Variants in TMEM71 observed in about 807,000 individuals in gnomAD.
TMEM71 encodes transmembrane protein 71.
In TMEM71, 44 loss-of-function variants were observed where a neutral mutation model predicts 38.0. That is an observed-to-expected ratio of 1.16 (90% confidence interval 0.91 to 1.49). The LOEUF (loss-of-function observed/expected upper bound fraction) is 1.49. Ranked by LOEUF, TMEM71 falls within the 40% of genes most tolerant of loss-of-function variation. TMEM71 has a pLI of 0.00. For synonymous variants in TMEM71, 133 were observed against 122.5 expected (o/e 1.09, Z -0.56); for missense variants, 367 against 348.6 (o/e 1.05, Z -0.42).
In TMEM71 at chr8:132,727,676, T is replaced by C. The variant is rs1827222029; in HGVS notation, c.676+122A>G. On this transcript the variant is annotated intron_variant, in intron 6 of 9. Coordinates refer to ENST00000677595, the MANE Select transcript of TMEM71 (RefSeq NM_001382403.1). ...GGGCTTTGGCAGAGGCCCCATGTCC[T>C]CCCTTCCTCGCACAGGTTGGTACCA... 3 of 817,080 alleles carry C rather than the reference T, an allele frequency of 3.7e-6. No homozygotes were observed. The Admixed American group carries it at 9.0e-5, about 24-fold the overall frequency. The allele number at this position is 817,080 out of a possible 1,614,324, so 50.6% of individuals were successfully genotyped here. A position where few individuals can be genotyped will look rare whatever the true frequency, so the allele number is the denominator to read the frequency against.
chr8:132,757,481 G>A (rs1829088851), intron 2 of TMEM71, among the ~76,000 whole-genome samples, 187 bp from the exon 3 acceptor site: 2 of 152,022 alleles, frequency 1.3e-5, no homozygotes, highest in Admixed American at 6.5e-5. Context: ...GGGATCTACC[G>A]GAAGCAAGAC....
chr8:132,766,880 TCCAGAATC>T, the TMEM71 span, among the ~76,000 whole-genome samples: 7 of 151,988 alleles, frequency 4.6e-5, no homozygotes, highest in Non-Finnish European at 8.8e-5. Flanking sequence ...AGACTTCCAG[TCCAGAATC>T]CCATAATAAT....
intron 5 of TMEM71, among the ~76,000 whole-genome samples, chr8:132,740,610 A>G (rs1431497285): frequency 4.6e-5 from 7 of 152,220 alleles, no homozygotes; most frequent in Middle Eastern, 3.2e-3. Flanking sequence ...AGTGAGTGAC[A>G]TAAGTAAAGC....
intron 5 of TMEM71, among the ~76,000 whole-genome samples, chr8:132,734,282 TAA>T (rs1827625413): frequency 6.6e-6 from 1 of 152,076 alleles, no homozygotes; most frequent in Non-Finnish European, 1.5e-5. Context: ...TGCATATGTC[TAA>T]AGTCATAAAA....
At chr8:132,749,475 A>G (rs942232839) in intron 4 of TMEM71, among the ~76,000 whole-genome samples, 7 of 152,214 alleles carry the variant, frequency 4.6e-5, no homozygotes, top group African/African-American at 1.7e-4. Context: ...AGGTCTCCCC[A>G]GTGCAATGTG....
chr8:132,763,536 G>A (rs988352164), upstream of TMEM71, among the ~76,000 whole-genome samples: 1 of 152,198 alleles, frequency 6.6e-6, no homozygotes, highest in African/African-American at 2.4e-5. Flanking sequence ...GAAAAGACGA[G>A]TGGCAAATTT....
At chr8:132,715,518 G>A (rs1297434240) in intron 7 of TMEM71, among the ~76,000 whole-genome samples, 1 of 150,438 alleles carries the variant, frequency 6.6e-6, no homozygotes, top group Non-Finnish European at 1.5e-5. Context: ...TAACCCAACA[G>A]CTTCACTTGC....
chr8:132,707,211 C>A (rs984206356), downstream of TMEM71, among the ~76,000 whole-genome samples: 1 of 151,980 alleles, frequency 6.6e-6, no homozygotes, highest in African/African-American at 2.4e-5. Flanking sequence ...TATTTAGAAA[C>A]GTAATTGGTA....
chr8:132,755,261 C>T (rs1019960587), intron 3 of TMEM71, among the ~76,000 whole-genome samples: 6 of 151,992 alleles, frequency 3.9e-5, no homozygotes, highest in Non-Finnish European at 5.9e-5. Flanking sequence ...TGATTGTAAA[C>T]GAAATGAAGA....
chr8:132,763,683 T>C (rs1829330178), upstream of TMEM71, among the ~76,000 whole-genome samples: 1 of 152,218 alleles, frequency 6.6e-6, no homozygotes, highest in East Asian at 1.9e-4. Context: ...TGAGAATCTT[T>C]TGGTCACATA....
At chr8:132,733,598 AGTCTGTG>A (rs1440729440) in intron 5 of TMEM71, among the ~76,000 whole-genome samples, 2 of 152,210 alleles carry the variant, frequency 1.3e-5, no homozygotes, top group Non-Finnish European at 2.9e-5. Flanking sequence ...TTGACAAAGC[AGTCTGTG>A]GATGCATCCC....
intron 5 of TMEM71, among the ~76,000 whole-genome samples, chr8:132,737,463 A>G (rs776007337): frequency 6.6e-6 from 1 of 152,170 alleles, no homozygotes; most frequent in African/African-American, 2.4e-5. Context: ...CTTTTCTTTC[A>G]TAACACCACA....
chr8:132,753,213 A>G (rs1828820591), intron 3 of TMEM71, among the ~76,000 whole-genome samples: 2 of 152,010 alleles, frequency 1.3e-5, no homozygotes, highest in African/African-American at 4.8e-5. Flanking sequence ...ATGTAAATAA[A>G]CTCAATGCCA....
chr8:132,739,286 G>C (rs1053727588), intron 5 of TMEM71, among the ~76,000 whole-genome samples: 1 of 152,100 alleles, frequency 6.6e-6, no homozygotes, highest in Non-Finnish European at 1.5e-5. Flanking sequence ...GATAGACCTC[G>C]GTTGAATTCC....
At chr8:132,735,364 G>A (rs923925963) in intron 5 of TMEM71, among the ~76,000 whole-genome samples, 2 of 152,202 alleles carry the variant, frequency 1.3e-5, no homozygotes, top group African/African-American at 4.8e-5. Context: ...ATTGCTCAGA[G>A]AGAAAACAGC....
chr8:132,769,236 G>C, the TMEM71 span, among the ~76,000 whole-genome samples: 1 of 152,204 alleles, frequency 6.6e-6, no homozygotes, highest in African/African-American at 2.4e-5. Flanking sequence ...AGCATATTTT[G>C]AATGTTTCTT....
chr8:132,715,643 A>G (rs1304157209), intron 7 of TMEM71, among the ~76,000 whole-genome samples: 1 of 152,184 alleles, frequency 6.6e-6, no homozygotes, highest in Admixed American at 6.5e-5. Flanking sequence ...TCTTTGTAGA[A>G]GCTTTATTCA....
intron 5 of TMEM71, among the ~76,000 whole-genome samples, chr8:132,732,265 G>A (rs975902652): frequency 6.6e-6 from 1 of 152,166 alleles, no homozygotes; most frequent in African/African-American, 2.4e-5. Context: ...CTTCACAGAG[G>A]AGGCAGCGCT....
chr8:132,754,809 T>G (rs1361466229), intron 3 of TMEM71, among the ~76,000 whole-genome samples: 1 of 152,174 alleles, frequency 6.6e-6, no homozygotes, highest in Non-Finnish European at 1.5e-5. Context: ...TCCAAATCAT[T>G]GATAAAAATA....
Sources: gnomAD v4.1 joint callset for allele counts (sites outside exome capture counted in the v4.1 genomes callset) on GRCh38, gnomAD v4.1.1 for gene constraint, MANE v1.5 for transcripts, NCBI Gene and HGNC (gene_info 2026-07-23, HGNC 2026-07-21) for gene names.